The following ACVR1 variants were observed in gnomAD, a reference collection of about 807,000 sequenced individuals.
ACVR1 encodes activin A receptor type 1.
A neutral mutation model predicts 57.1 loss-of-function variants in ACVR1; 38 were observed. The ratio of observed to expected loss-of-function variants is 0.67; its 90% confidence interval spans 0.51 to 0.87. The LOEUF is 0.87. Ranked by LOEUF, ACVR1 falls within the 40% of genes least tolerant of loss-of-function variation. The pLI is 0.00. For synonymous variants in ACVR1, 212 were observed against 228.1 expected (o/e 0.93, Z 0.63); for missense variants, 463 against 638.2 (o/e 0.73, Z 2.96).
intron 6 of ACVR1, among the ~76,000 whole-genome samples, chr2:157,770,740 T>A (rs545170152): frequency 6.6e-6 from 1 of 152,308 alleles, no homozygotes; most frequent in East Asian, 1.9e-4. Context: ...TCTACCATAT[T>A]GTGATAACAA....
chr2:157,737,010 C>A lies in ACVR1; in HGVS notation c.*521G>T. The A allele has an allele frequency of 3.5e-6, 1 of 284,726 alleles. No homozygotes were observed. Among genetic ancestry groups the A allele is most frequent in the Non-Finnish European group, 6.5e-6 (1 of 152,836 alleles). 17.6% of individuals were successfully genotyped at this position (284,726 alleles called of 1,614,324 possible). ...TTTGCCAAATTGAATTCCTATTATC[C>A]AAAGACAGACCAGTGGAGTACGCAG... On this transcript the variant is annotated 3_prime_UTR_variant, in exon 11 of 11. Transcript: ENST00000434821.
chr2:157,778,562 G>C (rs1219174816), intron 4 of ACVR1, among the ~76,000 whole-genome samples: 3 of 152,138 alleles, frequency 2.0e-5, no homozygotes, highest in African/African-American at 7.2e-5. Context: ...ATTCCACTGA[G>C]AATCAATTGC....
chr2:157,836,638 A>C (rs1267202776), intron 1 of ACVR1, among the ~76,000 whole-genome samples: 5 of 152,134 alleles, frequency 3.3e-5, no homozygotes, highest in Admixed American at 6.5e-5. Context: ...TGGCTTTCCC[A>C]ACCAGGAAAT....
intron 2 of ACVR1, among the ~76,000 whole-genome samples, chr2:157,807,470 T>C (rs1362479552): frequency 6.6e-6 from 1 of 152,126 alleles, no homozygotes; most frequent in East Asian, 1.9e-4. Context: ...TTTCAACTGC[T>C]AGGACTCCAT....
At chr2:157,748,807 A>T (rs544630702) in intron 9 of ACVR1, among the ~76,000 whole-genome samples, 2 of 152,276 alleles carry the variant, frequency 1.3e-5, no homozygotes, top group East Asian at 3.9e-4. Flanking sequence ...AAACTATATA[A>T]ATTACCCCAA....
chr2:157,760,571 C>T (rs971356351), intron 9 of ACVR1, among the ~76,000 whole-genome samples: 1 of 152,122 alleles, frequency 6.6e-6, no homozygotes, highest in Non-Finnish European at 1.5e-5. Flanking sequence ...ACCCCATAAA[C>T]GCAAGTATTA....
intron 8 of ACVR1, among the ~76,000 whole-genome samples, chr2:157,764,545 A>G (rs1044907331): frequency 6.6e-6 from 1 of 152,010 alleles, no homozygotes; most frequent in African/African-American, 2.4e-5. Context: ...ACAACGCAGA[A>G]GTACAGGGCA....
intron 9 of ACVR1, among the ~76,000 whole-genome samples, chr2:157,751,817 T>C (rs1685202720): frequency 6.6e-6 from 1 of 152,148 alleles, no homozygotes; most frequent in Non-Finnish European, 1.5e-5. Flanking sequence ...AAGGAGAGTC[T>C]GAGCTCTGTC....
chr2:157,738,353 T>C, intron 10 of ACVR1, 87 bp downstream of exon 10: 1 of 1,582,814 alleles, frequency 6.3e-7, no homozygotes, highest in South Asian at 1.1e-5. Flanking sequence ...GACAGATCAC[T>C]CAGATGCAAT....
chr2:157,855,512 T>C (rs1689501784), intron 1 of ACVR1, among the ~76,000 whole-genome samples: 1 of 151,458 alleles, frequency 6.6e-6, no homozygotes, highest in Admixed American at 6.6e-5. Context: ...AACTGATGAG[T>C]CCTCACAAAG....
Position 157,736,554 on chromosome 2 carries a change from G to A in ACVR1, c.*977C>T, listed in dbSNP as rs1684539491. ...CTGGCAGAGTTTAAATGCACGTAATGGATAATTCTGAAGAAAATGCATTTT... is the reference window on the plus strand; with the variant it reads ...CTGGCAGAGTTTAAATGCACGTAATAGATAATTCTGAAGAAAATGCATTTT... On this transcript the variant is annotated 3_prime_UTR_variant, in exon 11 of 11. Transcript: ENST00000434821. 1 of 279,586 alleles carries A rather than the reference G, an allele frequency of 3.6e-6. No individual in the cohort carries two copies. Among genetic ancestry groups the A allele is most frequent in the Non-Finnish European group, 6.6e-6 (1 of 151,362 alleles). The allele number at this position is 279,586 out of a possible 1,614,324, so 17.3% of individuals were successfully genotyped here. A position where few individuals can be genotyped will look rare whatever the true frequency, so the allele number is the denominator to read the frequency against.
At chr2:157,739,999 C>T (rs958684841) in intron 9 of ACVR1, among the ~76,000 whole-genome samples, 1 of 152,072 alleles carries the variant, frequency 6.6e-6, no homozygotes, top group African/African-American at 2.4e-5. Flanking sequence ...GCCTGGGCAA[C>T]ATGGCAAGAC....
intron 4 of ACVR1, among the ~76,000 whole-genome samples, chr2:157,779,569 GGTTT>G (rs558540042): frequency 1.3e-5 from 2 of 151,884 alleles, no homozygotes; most frequent in Non-Finnish European, 2.9e-5. Context: ...TCCACTTTTT[GGTTT>G]GTTTCTTTTT....
intron 8 of ACVR1, 75 bp from the exon 9 acceptor site, chr2:157,761,152 AC>A: frequency 4.0e-6 from 6 of 1,490,402 alleles, no homozygotes; most frequent in Non-Finnish European, 5.5e-6. Context: ...TTTTAAACCA[AC>A]CCCAATCAAA....
At chr2:157,865,866 T>A (rs900316143) in intron 1 of ACVR1, among the ~76,000 whole-genome samples, 13 of 125,924 alleles carry the variant, frequency 1.0e-4, no homozygotes, top group South Asian at 8.4e-4. Context: ...ATAGATAGAT[T>A]GACTGATTGA....
intron 8 of ACVR1, 24 bp downstream of exon 8, chr2:157,765,896 GA>G (rs774491115): frequency 1.2e-6 from 2 of 1,612,902 alleles, no homozygotes; most frequent in African/African-American, 1.3e-5. Flanking sequence ...AACTGGTGAG[GA>G]AAAAAATATT....
In ACVR1 at chr2:157,850,654, A is replaced by C. The variant is rs1689264079; in HGVS notation, c.-183+25142T>G. 2.0e-5 allele frequency among the ~76,000 whole-genome samples: 3 copies of C among 152,202 alleles called. 1 individual carries two copies. The South Asian group carries it at 6.2e-4, about 31-fold the overall frequency. On this transcript the variant is annotated intron_variant, in intron 1 of 10. Coordinates refer to ENST00000434821, the MANE Select transcript of ACVR1 (RefSeq NM_001111067.4). ...AAGATAAATAAAAAGTCAAAAGATAAAAAGAAAAAGAAGTTTACTTGGACA... is the reference window on the plus strand; with the variant it reads ...AAGATAAATAAAAAGTCAAAAGATACAAAGAAAAAGAAGTTTACTTGGACA...
chr2:157,775,140 T>C (rs967201368), intron 5 of ACVR1, among the ~76,000 whole-genome samples: 4 of 152,220 alleles, frequency 2.6e-5, no homozygotes, highest in Non-Finnish European at 5.9e-5. Context: ...GGTTTCCTTT[T>C]AGGCAGGTGA....
chr2:157,773,137 C>T (rs934814750), intron 6 of ACVR1, among the ~76,000 whole-genome samples: 6 of 152,112 alleles, frequency 3.9e-5, no homozygotes, highest in African/African-American at 1.4e-4. Context: ...AGGTTGCCAA[C>T]CCATTATTGC....
Sources: gnomAD v4.1 joint callset for allele counts (sites outside exome capture counted in the v4.1 genomes callset) on GRCh38, gnomAD v4.1.1 for gene constraint, MANE v1.5 for transcripts, NCBI Gene and HGNC (gene_info 2026-07-23, HGNC 2026-07-21) for gene names.